The following EGLN2 variants were observed in gnomAD, a reference collection of about 807,000 sequenced individuals.
EGLN2 encodes egl-9 family hypoxia inducible factor 2.
EGLN2 carries 15 observed loss-of-function variants against 38.2 expected under a neutral mutation model. The observed-to-expected ratio is 0.39, with a 90% confidence interval of 0.26 to 0.60. The LOEUF (loss-of-function observed/expected upper bound fraction) is 0.60. Ranked by LOEUF, EGLN2 falls within the 20% of genes least tolerant of loss-of-function variation. The probability of loss-of-function intolerance (pLI) is 0.50; values close to 1 mark genes in which losing one functional copy is unlikely to be tolerated. For missense variants in EGLN2, 492 were observed against 570.4 expected (o/e 0.86, Z 1.40); for synonymous variants, 284 against 237.4 (o/e 1.20, Z -1.81).
chr19:40,801,651 C>CTTTTTTTTTTTTTTTTTTTTTTTTT (rs58809253), intron 2 of EGLN2, among the ~76,000 whole-genome samples: 8 of 102,700 alleles, frequency 7.8e-5, no homozygotes, highest in South Asian at 3.7e-4. Flanking sequence ...CACAGTGGTT[C>CTTTTTTTTTTTTTTTTTTTTTTTTT]TTTTTTTTTT....
In EGLN2 at chr19:40,800,594, C is replaced by A; in HGVS notation, c.22C>A (p.Gln8Lys). 1 of 1,606,770 alleles carries A rather than the reference C, an allele frequency of 6.2e-7. No individual in the cohort carries two copies. Residue 8 changes from glutamine (Q) to lysine (K), a missense_variant, in exon 2 of 6, where the codon CAG (glutamine) becomes AAG (lysine). By Grantham distance (53) the Gln-to-Lys change is moderately conservative. This residue lies in a region of EGLN2 where 378 missense variants were observed against 386.2 expected (regional missense o/e 0.98). Transcript: ENST00000303961. The part of the protein sequence containing the change: MDSPCQP[Q>K]PLSQALPQLP... The stretch of plus-strand genomic sequence containing the variant: ...TGCCATGGACAGCCCGTGCCAGCCG[C>A]AGCCCCTAAGTCAGGCTCTCCCTCA...
Position 40,800,475 on chromosome 19 carries a change from C to T in EGLN2, c.-98C>T. 1 of 1,450,734 alleles carries T rather than the reference C, an allele frequency of 6.9e-7. No individual in the cohort carries two copies. Among genetic ancestry groups the T allele is most frequent in the Non-Finnish European group, 9.1e-7 (1 of 1,103,480 alleles). The allele number at this position is 1,450,734 out of a possible 1,614,324, so 89.9% of individuals were successfully genotyped here. A position where few individuals can be genotyped will look rare whatever the true frequency, so the allele number is the denominator to read the frequency against. Reference sequence around the variant, plus strand: ...GCCCCACGCCAGGCCCGGTGGCCCCCAGCTGCATCAAGTGGAGGCGGAGGA... The same window carrying T: ...GCCCCACGCCAGGCCCGGTGGCCCCTAGCTGCATCAAGTGGAGGCGGAGGA... On this transcript the variant is annotated 5_prime_UTR_variant, in exon 2 of 6. Coordinates refer to ENST00000303961, the MANE Select transcript of EGLN2 (RefSeq NM_080732.4).
chr19:40,808,051 G>C lies in EGLN2; in HGVS notation c.*187G>C, dbSNP rs2083318887. Reference sequence around the variant, plus strand: ...AGAGACCTTTGCTGCCCCATCATGGGGGCTGGGGTTGTCACCTGGACAGGG... The same window carrying C: ...AGAGACCTTTGCTGCCCCATCATGGCGGCTGGGGTTGTCACCTGGACAGGG... On this transcript the variant is annotated 3_prime_UTR_variant, in exon 6 of 6. Coordinates refer to ENST00000303961, the MANE Select transcript of EGLN2 (RefSeq NM_080732.4). 1 of 643,080 alleles carries C rather than the reference G, an allele frequency of 1.6e-6. No homozygotes were observed. Among genetic ancestry groups the C allele is most frequent in the South Asian group, 1.9e-5 (1 of 52,168 alleles). The allele number at this position is 643,080 out of a possible 1,614,324, so 39.8% of individuals were successfully genotyped here. A position where few individuals can be genotyped will look rare whatever the true frequency, so the allele number is the denominator to read the frequency against.
At position 40,800,640 on chromosome 19, in the gene EGLN2, A is replaced by C; in HGVS notation, c.68A>C (p.Glu23Ala). 2 of 1,613,888 alleles carry C rather than the reference A, an allele frequency of 1.2e-6. No homozygotes were observed. Among genetic ancestry groups the C allele is most frequent in the Non-Finnish European group, 8.5e-7 (1 of 1,179,978 alleles). ...ALPQLPGSSS[E>A]PLEPEPGRAR... Reference sequence around the variant, plus strand: ...CCTCAGTTACCAGGGTCTTCGTCAGAGCCCTTGGAGCCTGAGCCTGGCCGG... The same window carrying C: ...CCTCAGTTACCAGGGTCTTCGTCAGCGCCCTTGGAGCCTGAGCCTGGCCGG... Residue 23 changes from glutamate (E) to alanine (A), a missense_variant, in exon 2 of 6, where the codon GAG becomes GCG. Transcript: ENST00000303961.
chr19:40,807,770 T>A, intron 5 of EGLN2, 39 bp from the exon 6 acceptor site: 1 of 1,609,626 alleles, frequency 6.2e-7, no homozygotes, highest in Non-Finnish European at 8.5e-7. Context: ...TCTTTGTCCT[T>A]CTGATGACTC....
chr19:40,803,016 C>T (rs1198421080), intron 2 of EGLN2: 1 of 152,324 alleles, frequency 6.6e-6, no homozygotes. Context: ...CTACTTCCCT[C>T]TCCCTCCCGT....
Position 40,801,200 on chromosome 19 carries a change from G to A in EGLN2, c.628G>A (p.Val210Met). ...AALGGRVLAE[V>M]EALKRGGRLR... ...ACTGGGCGGTCGCGTGCTGGCCGAG[G>A]TGGAGGCCCTCAAACGGGGTGGGCG... Residue 210 changes from valine (V) to methionine (M), a missense_variant, in exon 2 of 6, where the codon GTG (valine) becomes ATG (methionine). Transcript: ENST00000303961. The A allele has an allele frequency of 6.2e-7, 1 of 1,612,712 alleles. No homozygotes were observed. Among genetic ancestry groups the A allele is most frequent in the Non-Finnish European group, 8.5e-7 (1 of 1,179,914 alleles).
rs775403804 is a variant in EGLN2, at chr19:40,808,022, G to A, written c.*158G>A. Reference sequence around the variant, plus strand: ...CTGTCTGTTGCTGAGGACCAAGGAGGAGAAGAGACCTTTGCTGCCCCATCA... The same window carrying A: ...CTGTCTGTTGCTGAGGACCAAGGAGAAGAAGAGACCTTTGCTGCCCCATCA... On this transcript the variant is annotated 3_prime_UTR_variant, in exon 6 of 6. Coordinates refer to ENST00000303961, the MANE Select transcript of EGLN2 (RefSeq NM_080732.4). 3.1e-4 allele frequency: 227 copies of A among 725,988 alleles called. No homozygotes were observed. The highest frequency in any genetic ancestry group is 4.9e-4 in the Non-Finnish European group (215 of 439,066). The allele number at this position is 725,988 out of a possible 1,614,324, so 45.0% of individuals were successfully genotyped here.
intron 3 of EGLN2, 127 bp downstream of exon 3, chr19:40,806,801 A>G (rs1599763216): frequency 6.0e-6 from 8 of 1,329,848 alleles, no homozygotes; most frequent in South Asian, 5.5e-5. Context: ...CTCAACACAC[A>G]GCGGGCAGTG....
At position 40,807,194 on chromosome 19, in the gene EGLN2, C is replaced by T. The variant is rs767449754; in HGVS notation, c.1020C>T (p.Ile340=). The T allele has an allele frequency of 1.1e-5, 17 of 1,614,036 alleles. No homozygotes were observed. The highest frequency in any genetic ancestry group is 1.4e-5 in the Non-Finnish European group (16 of 1,180,020). ...FPEGRPVVAN[I]EPLFDRLLIF... is the part of the protein sequence containing the mutation. ...AGGGCCGGCCCGTGGTAGCCAACAT[C>T]GAGCCACTCTTTGACCGGTTGCTCA... The change falls in exon 4 of 6, where the codon ATC becomes ATT. Residue 340 remains isoleucine (I), a synonymous_variant. Coordinates refer to ENST00000303961, the MANE Select transcript of EGLN2 (RefSeq NM_080732.4).
chr19:40,807,573 G>A, intron 5 of EGLN2, 22 bp downstream of exon 5: 1 of 1,613,660 alleles, frequency 6.2e-7, no homozygotes. Flanking sequence ...CCTCCCTTCA[G>A]TCCTTCCTAT....
At chr19:40,803,876 C>G (rs927889605) in intron 2 of EGLN2, among the ~76,000 whole-genome samples, 3 of 152,020 alleles carry the variant, frequency 2.0e-5, no homozygotes, top group Non-Finnish European at 4.4e-5. Flanking sequence ...CACCAATAGC[C>G]TTTAAGTCTT....
intron 2 of EGLN2, 21 bp downstream of exon 2, chr19:40,801,436 CTT>C (rs773200352): frequency 1.9e-6 from 3 of 1,591,144 alleles, no homozygotes; most frequent in Non-Finnish European, 2.6e-6. Flanking sequence ...GTGGGGGCCT[CTT>C]TGGAGGGGCT....
intron 3 of EGLN2, 175 bp downstream of exon 3, chr19:40,806,849 C>T (rs1373650719): frequency 3.0e-6 from 3 of 1,006,594 alleles, no homozygotes; most frequent in Admixed American, 4.8e-5. Flanking sequence ...GCACCTCCTC[C>T]TCTCTAGCGG....
Position 40,807,310 on chromosome 19 carries a change from T to C in EGLN2, c.1100+36T>C, listed in dbSNP as rs778997932. On this transcript the variant is annotated intron_variant, in intron 4 of 5. Coordinates refer to ENST00000303961, the MANE Select transcript of EGLN2 (RefSeq NM_080732.4). ...TACTTCTGGAGACGCACCCAGGTGCTCCCCCTGTGACAATGTCCTGTCAGA... is the reference window on the plus strand; with the variant it reads ...TACTTCTGGAGACGCACCCAGGTGCCCCCCCTGTGACAATGTCCTGTCAGA... The C allele has an allele frequency of 5.6e-6, 9 of 1,613,036 alleles. No homozygotes were observed. The South Asian group carries it at 9.9e-5, about 18-fold the overall frequency.
chr19:40,806,720 G>A, intron 3 of EGLN2, 46 bp downstream of exon 3: 3 of 1,601,146 alleles, frequency 1.9e-6, no homozygotes, highest in Non-Finnish European at 2.6e-6. Flanking sequence ...GCTAGGGCTG[G>A]GGCGGGGGTG....
At position 40,807,038 on chromosome 19, in the gene EGLN2, T is replaced by TG. The variant is rs1301956488; in HGVS notation, c.964-99dup. 9 of 1,555,676 alleles carry TG rather than the reference T, an allele frequency of 5.8e-6. No homozygotes were observed. The East Asian group carries it at 2.1e-4, about 35-fold the overall frequency. ...GAGCCCGAGGGGTGGGAGGGAGTGATGCAGGCAGACGCTGCGCCTCCTAGT... is the reference window on the plus strand; with the variant it reads ...GAGCCCGAGGGGTGGGAGGGAGTGATGGCAGGCAGACGCTGCGCCTCCTAGT... On this transcript the variant is annotated intron_variant, in intron 3 of 5. Transcript: ENST00000303961.
chr19:40,801,539 C>T, intron 2 of EGLN2, 124 bp downstream of exon 2: 3 of 1,377,062 alleles, frequency 2.2e-6, no homozygotes, highest in South Asian at 1.4e-5. Context: ...TTAGGCAGTT[C>T]AGTGGAGTGG....
At chr19:40,807,315 CT>C (rs1340940412) in intron 4 of EGLN2, 41 bp downstream of exon 4, 2 of 1,613,214 alleles carry the variant, frequency 1.2e-6, no homozygotes, top group Non-Finnish European at 1.7e-6. Context: ...GGTGCTCCCC[CT>C]GTGACAATGT....
Sources: gnomAD v4.1 joint callset for allele counts (sites outside exome capture counted in the v4.1 genomes callset) on GRCh38, gnomAD v4.1.1 for gene constraint, gnomAD v4.1.1 regional missense constraint, MANE v1.5 for transcripts, NCBI Gene and HGNC (gene_info 2026-07-23, HGNC 2026-07-21) for gene names.